HDAC4: variants seen among roughly 807,000 people sequenced by gnomAD.
HDAC4 encodes the protein histone deacetylase A.
HDAC4 carries 16 observed loss-of-function variants against 135.1 expected under a neutral mutation model. That is an observed-to-expected ratio of 0.12 (90% CI 0.08 to 0.18). The LOEUF is 0.18. Among genes scored for constraint, HDAC4 ranks in the 10% least tolerant of loss-of-function variants. The pLI, the probability that HDAC4 is intolerant of heterozygous loss-of-function variation, is 1.00. For synonymous variants in HDAC4, 685 were observed against 653.4 expected (o/e 1.05, Z -0.74); for missense variants, 1,143 against 1,511.8 (o/e 0.76, Z 4.05).
At chr2:239,061,716 T>C (rs2032768425) in intron 24 of HDAC4, among the ~76,000 whole-genome samples, 1 of 152,086 alleles carries the variant, frequency 6.6e-6, no homozygotes, top group Non-Finnish European at 1.5e-5. Flanking sequence ...CGTTACTTTG[T>C]TAGAGCTGTT....
chr2:239,054,418 G>A (rs919391657), intron 25 of HDAC4, among the ~76,000 whole-genome samples: 2 of 152,212 alleles, frequency 1.3e-5, no homozygotes, highest in African/African-American at 2.4e-5. Flanking sequence ...AGTCCCCAGG[G>A]TACAGGCTCA....
chr2:239,361,978 C>T (rs1020466822), intron 1 of HDAC4, among the ~76,000 whole-genome samples: 3 of 152,192 alleles, frequency 2.0e-5, no homozygotes, highest in South Asian at 2.1e-4. Context: ...TTCTGAAGGA[C>T]GTTTGAAATG....
chr2:239,314,499 G>C (rs902872374), intron 2 of HDAC4, among the ~76,000 whole-genome samples: 1 of 152,192 alleles, frequency 6.6e-6, no homozygotes, highest in African/African-American at 2.4e-5. Flanking sequence ...CTGGAGCAAG[G>C]CTAAGGAAGA....
intron 3 of HDAC4, among the ~76,000 whole-genome samples, chr2:239,195,163 T>C (rs1261871812): frequency 1.3e-5 from 2 of 152,166 alleles, no homozygotes; most frequent in East Asian, 3.9e-4. Flanking sequence ...ACCTCCTGCA[T>C]TTTCACTCAT....
chr2:239,268,234 C>A (rs1276156200), intron 2 of HDAC4, among the ~76,000 whole-genome samples: 1 of 152,198 alleles, frequency 6.6e-6, no homozygotes, highest in Non-Finnish European at 1.5e-5. Context: ...CAGCGCTGGC[C>A]ACTCCCAGAC....
At position 239,308,990 on chromosome 2, in the gene HDAC4, C is replaced by G. The variant is rs550432351; in HGVS notation, c.22+43688G>C. ...AAACGGATTCTTGATAACAAGCCGC[C>G]GGCTCGCTGGAAGACACTGAGCAGT... On this transcript the variant is annotated intron_variant, in intron 2 of 26. Transcript: ENST00000543185. The surrounding 1 kb of genome is among the most constrained non-coding windows in gnomAD (Gnocchi z 4.2). The G allele has an allele frequency of 6.6e-5, 10 of 152,132 alleles. No individual in the cohort carries two copies. Among genetic ancestry groups the G allele is most frequent in the African/African-American group, 1.9e-4 (8 of 41,414 alleles). The allele number at this position is 152,132 out of a possible 1,614,324, so 9.4% of individuals were successfully genotyped here.
At chr2:239,232,847 C>G (rs1459844866) in intron 3 of HDAC4, among the ~76,000 whole-genome samples, 4 of 90,384 alleles carry the variant, frequency 4.4e-5, no homozygotes, top group East Asian at 3.6e-4. Context: ...CCTTCCCTCA[C>G]CAAGCCAAGG....
At chr2:239,193,142 G>A (rs1452954451) in intron 3 of HDAC4, among the ~76,000 whole-genome samples, 1 of 152,214 alleles carries the variant, frequency 6.6e-6, no homozygotes, top group Non-Finnish European at 1.5e-5. Flanking sequence ...TGGGACCCCT[G>A]CTTATAAGAT....
At chr2:239,226,529 C>T (rs1185524432) in intron 3 of HDAC4, among the ~76,000 whole-genome samples, 1 of 152,184 alleles carries the variant, frequency 6.6e-6, no homozygotes, top group Non-Finnish European at 1.5e-5. Context: ...ATTTCTCAGA[C>T]AGCACCCCCA....
At chr2:239,384,564 C>T (rs2126072989) in intron 1 of HDAC4, among the ~76,000 whole-genome samples, 1 of 152,132 alleles carries the variant, frequency 6.6e-6, no homozygotes, top group East Asian at 1.9e-4. Context: ...CGGCAGTGAG[C>T]CATGATTGTC....
chr2:239,074,467 T>C (rs1369593865), intron 22 of HDAC4, among the ~76,000 whole-genome samples: 1 of 152,264 alleles, frequency 6.6e-6, no homozygotes, highest in Non-Finnish European at 1.5e-5. Context: ...CTCTGCTGTC[T>C]AGGCTTGGTG....
chr2:239,354,066 T>C (rs1232908604), intron 1 of HDAC4, among the ~76,000 whole-genome samples: 1 of 152,224 alleles, frequency 6.6e-6, no homozygotes, highest in Non-Finnish European at 1.5e-5. Context: ...TCATCCATGA[T>C]GCCATCACAC....
chr2:239,189,433 G>C (rs2044759265), intron 4 of HDAC4, among the ~76,000 whole-genome samples: 1 of 152,060 alleles, frequency 6.6e-6, no homozygotes, highest in South Asian at 2.1e-4. Flanking sequence ...AGAGAAAATA[G>C]AAAATATAGA....
chr2:239,347,998 C>T (rs1256355904), intron 2 of HDAC4, among the ~76,000 whole-genome samples: 1 of 145,572 alleles, frequency 6.9e-6, no homozygotes, highest in African/African-American at 2.6e-5. Flanking sequence ...CTATCGAGAG[C>T]ATCATCCCGG....
At chr2:239,226,665 T>TGGG (rs140938093) in intron 3 of HDAC4, among the ~76,000 whole-genome samples, 13,028 of 151,232 alleles carry the variant, frequency 0.086, 715 homozygotes, top group Non-Finnish European at 0.12. Context: ...TAACATGTAA[T>TGGG]GGGGGGGGTG....
chr2:239,211,892 G>A (rs190146082), intron 3 of HDAC4, among the ~76,000 whole-genome samples: 3 of 152,306 alleles, frequency 2.0e-5, no homozygotes, highest in East Asian at 1.9e-4. Flanking sequence ...ACGCGCCACC[G>A]AGGAGCTTCC....
intron 2 of HDAC4, among the ~76,000 whole-genome samples, chr2:239,323,136 A>C (rs2053368248): frequency 6.6e-6 from 1 of 152,246 alleles, no homozygotes; most frequent in Non-Finnish European, 1.5e-5. Flanking sequence ...GTTATTTACT[A>C]TACAAAAAAT....
At chr2:239,350,790 C>T (rs571482070) in intron 2 of HDAC4, among the ~76,000 whole-genome samples, 59 of 152,340 alleles carry the variant, frequency 3.9e-4, no homozygotes, top group African/African-American at 1.3e-3. Flanking sequence ...CTGTGGGCCT[C>T]TGCGCCCGGC....
At chr2:239,353,967 TTC>T (rs1310741079) in intron 1 of HDAC4, among the ~76,000 whole-genome samples, 1 of 152,234 alleles carries the variant, frequency 6.6e-6, no homozygotes, top group African/African-American at 2.4e-5. Context: ...TCCCTCATGT[TTC>T]TGTCTTCATA....
Sources: allele counts gnomAD v4.1 joint callset (sites outside exome capture counted in the v4.1 genomes callset), GRCh38; gene constraint gnomAD v4.1.1; non-coding constraint Gnocchi (gnomAD v3.1); transcripts MANE v1.5; gene names NCBI Gene and HGNC (gene_info 2026-07-23, HGNC 2026-07-21).